CALN1: variants seen among roughly 807,000 people sequenced by gnomAD.
The protein encoded by CALN1 is calcium-binding protein 8.
A neutral mutation model predicts 30.6 loss-of-function variants in CALN1; 17 were observed. The ratio of observed to expected loss-of-function variants is 0.56; its 90% CI spans 0.38 to 0.83. The LOEUF is 0.83. Among genes scored for constraint, CALN1 ranks in the 40% least tolerant of loss-of-function variants. The pLI is 0.00. For missense variants in CALN1, 291 were observed against 354.9 expected, an observed-to-expected ratio of 0.82 and a Z score of 1.45; for synonymous variants, 156 against 131.4, an observed-to-expected ratio of 1.19 and a Z score of -1.28.
At chr7:72,199,749 G>A (rs193066849) in intron 3 of CALN1, among the ~76,000 whole-genome samples, 1 of 152,020 alleles carries the variant, frequency 6.6e-6, no homozygotes, top group East Asian at 1.9e-4. Flanking sequence ...TGGGAGGATC[G>A]CTGGAGCCCA....
At chr7:72,064,137 C>G (rs117188982) in intron 4 of CALN1, among the ~76,000 whole-genome samples, 2,139 of 152,060 alleles carry the variant, frequency 0.014, 23 homozygotes, top group Non-Finnish European at 0.023. Context: ...CAAAAATTAG[C>G]TGGTCATGGT....
chr7:72,336,948 CTCG>C (rs1266526939), intron 2 of CALN1: 2 of 985,106 alleles, frequency 2.0e-6, no homozygotes, highest in Non-Finnish European at 2.4e-6. Context: ...CACGAGCCCC[CTCG>C]TCGACTCGGA....
intron 5 of CALN1, among the ~76,000 whole-genome samples, chr7:72,008,650 A>T (rs1025503846): frequency 1.6e-4 from 24 of 146,830 alleles, no homozygotes; most frequent in Non-Finnish European, 3.0e-4. Flanking sequence ...GTATGAGAAG[A>T]CTTTCAATTT....
intron 5 of CALN1, among the ~76,000 whole-genome samples, chr7:71,880,761 T>C (rs1391618347): frequency 5.3e-5 from 8 of 152,212 alleles, no homozygotes; most frequent in African/African-American, 1.9e-4. Flanking sequence ...CCTCCCTTTG[T>C]ATTTCAGTAA....
chr7:71,881,908 A>G (rs938387091), intron 5 of CALN1, among the ~76,000 whole-genome samples: 1 of 134,058 alleles, frequency 7.5e-6, no homozygotes, highest in African/African-American at 2.7e-5. Flanking sequence ...CCCTATATTT[A>G]CAAAAAAAAA....
rs1236378707 is a variant in CALN1, at chr7:72,210,628, CCAAA to C, written c.244+68054_244+68057del. On this transcript the variant is annotated intron_variant, in intron 3 of 6. Transcript: ENST00000395275. ...AAAAGACTGAACTCAGGAGGAACTACCAAACACTTAAAAAAACAGCAGATCTCAT... is the reference window on the plus strand; with the variant it reads ...AAAAGACTGAACTCAGGAGGAACTACCACTTAAAAAAACAGCAGATCTCAT... Among the ~76,000 whole-genome samples, 5 of 152,120 alleles carry C rather than the reference CCAAA, an allele frequency of 3.3e-5. No homozygotes were observed. The South Asian group carries it at 8.3e-4, about 25-fold the overall frequency.
At chr7:72,351,303 G>A (rs1802905736) in intron 2 of CALN1, among the ~76,000 whole-genome samples, 1 of 152,132 alleles carries the variant, frequency 6.6e-6, no homozygotes, top group Non-Finnish European at 1.5e-5. Flanking sequence ...AGGAGTTCAA[G>A]ACCAGCCTTG....
intron 4 of CALN1, among the ~76,000 whole-genome samples, chr7:72,096,790 C>T (rs1806265259): frequency 6.6e-6 from 1 of 152,080 alleles, no homozygotes; most frequent in Admixed American, 6.5e-5. Context: ...ACCATTTGAC[C>T]CAGCAATCCC....
chr7:72,198,998 G>C (rs1791230032), intron 3 of CALN1, among the ~76,000 whole-genome samples: 2 of 152,166 alleles, frequency 1.3e-5, no homozygotes. Context: ...ATTCTGGCTG[G>C]GCGCAGTGGC....
intron 5 of CALN1, among the ~76,000 whole-genome samples, chr7:71,857,012 ATGTATGTGTGTG>A (rs1790988635): frequency 8.1e-6 from 1 of 123,054 alleles, no homozygotes; most frequent in Admixed American, 8.4e-5. Context: ...TGGTGTGTAT[ATGTATGTGTGTG>A]TGTGTGTGTG....
chr7:72,010,288 A>G (rs2129529164), intron 5 of CALN1, among the ~76,000 whole-genome samples: 1 of 152,324 alleles, frequency 6.6e-6, no homozygotes, highest in South Asian at 2.1e-4. Flanking sequence ...GGACCCAAGG[A>G]AATCAGTTGA....
chr7:71,800,547 A>C (rs1249396656), intron 6 of CALN1, among the ~76,000 whole-genome samples: 1 of 152,152 alleles, frequency 6.6e-6, no homozygotes, highest in Non-Finnish European at 1.5e-5. Context: ...TATTCCATTT[A>C]GGGACAACAC....
In CALN1 at chr7:72,133,421, A is replaced by C. The variant is rs1432432799; in HGVS notation, c.245-27127T>G. Among the ~76,000 whole-genome samples, 3 of 152,266 alleles carry C rather than the reference A, an allele frequency of 2.0e-5. No individual in the cohort carries two copies. In the East Asian group the frequency reaches 5.8e-4, roughly 29 times the overall value. Reference sequence around the variant, plus strand: ...CCATACTGATATGAATGAATGAATAAGACAAGGCTCTTACTTACAGAATAA... The same window carrying C: ...CCATACTGATATGAATGAATGAATACGACAAGGCTCTTACTTACAGAATAA... On this transcript the variant is annotated intron_variant, in intron 3 of 6. Transcript: ENST00000395275.
At chr7:72,180,734 C>T (rs1789718147) in intron 3 of CALN1, among the ~76,000 whole-genome samples, 1 of 150,928 alleles carries the variant, frequency 6.6e-6, no homozygotes, top group Admixed American at 6.6e-5. Context: ...CAGCCTCCCA[C>T]GTAGCTGAAG....
chr7:72,428,770 G>A (rs1807876522), intron 1 of CALN1, among the ~76,000 whole-genome samples: 1 of 152,152 alleles, frequency 6.6e-6, no homozygotes. Flanking sequence ...AGTCCAAGGC[G>A]GGCAGATTGC....
At chr7:71,906,534 T>C (rs749107825) in intron 5 of CALN1, among the ~76,000 whole-genome samples, 1 of 152,092 alleles carries the variant, frequency 6.6e-6, no homozygotes, top group Non-Finnish European at 1.5e-5. Flanking sequence ...GACGGGCTCA[T>C]TCATTGACAA....
At chr7:72,149,912 G>C (rs567136877) in intron 3 of CALN1, among the ~76,000 whole-genome samples, 1 of 151,388 alleles carries the variant, frequency 6.6e-6, no homozygotes, top group African/African-American at 2.4e-5. Flanking sequence ...TCAGGAATTC[G>C]AGACCAGCCT....
intron 3 of CALN1, among the ~76,000 whole-genome samples, chr7:72,212,650 A>G (rs1792498883): frequency 6.6e-6 from 1 of 151,804 alleles, no homozygotes; most frequent in Admixed American, 6.6e-5. Context: ...CTCCATCACT[A>G]CAAAGAATAA....
intron 3 of CALN1, among the ~76,000 whole-genome samples, chr7:72,183,854 T>C (rs917128079): frequency 2.0e-5 from 3 of 152,138 alleles, no homozygotes; most frequent in Admixed American, 6.5e-5. Context: ...AGTCCCAAAT[T>C]TGAGGTATAG....
Sources: gnomAD v4.1 joint callset for allele counts (sites outside exome capture counted in the v4.1 genomes callset) on GRCh38, gnomAD v4.1.1 for gene constraint, MANE v1.5 for transcripts, NCBI Gene and HGNC (gene_info 2026-07-23, HGNC 2026-07-21) for gene names.